The following PDZD2 variants were observed in gnomAD, a reference collection of about 807,000 sequenced individuals.
PDZD2 encodes the protein PDZ domain containing 2, also known as PDZ domain-containing protein 2.
In PDZD2, 90 loss-of-function variants were observed where a neutral mutation model predicts 220.7. That is an observed-to-expected ratio of 0.41 (90% CI 0.34 to 0.49). PDZD2 has a LOEUF of 0.49. Ranked by LOEUF, PDZD2 falls within the 20% of genes least tolerant of loss-of-function variation. PDZD2 has a pLI of 0.28. For synonymous variants in PDZD2, 1,375 were observed against 1,450.5 expected, an observed-to-expected ratio of 0.95 and a Z score of 1.18; for missense variants, 3,174 against 3,608.5, an observed-to-expected ratio of 0.88 and a Z score of 3.08.
At position 32,072,326 on chromosome 5, in the gene PDZD2, G is replaced by C; in HGVS notation, c.2725+9G>C. 1 of 1,605,686 alleles carries C rather than the reference G, an allele frequency of 6.2e-7. No homozygotes were observed. The highest frequency in any genetic ancestry group is 2.2e-5 in the East Asian group (1 of 44,848). ...GCCTCCCAGCACCTCCAGTAAGCAG[G>C]GGTGCCCCAGAGGGCCTGGGCTCTG... On this transcript the variant is annotated intron_variant, in intron 17 of 24. Transcript: ENST00000438447.
intron 2 of PDZD2, among the ~76,000 whole-genome samples, chr5:31,903,860 A>C (rs1742373828): frequency 6.6e-6 from 1 of 151,768 alleles, no homozygotes; most frequent in African/African-American, 2.4e-5. Context: ...AGTAGCTGGG[A>C]TTACAGGTGC....
intron 2 of PDZD2, among the ~76,000 whole-genome samples, chr5:31,827,952 A>T (rs983789219): frequency 1.3e-5 from 2 of 152,170 alleles, no homozygotes; most frequent in Non-Finnish European, 2.9e-5. Context: ...TACCTATTCC[A>T]GATATTTCAG....
chr5:32,077,550 A>G lies in PDZD2; in HGVS notation c.3626A>G (p.His1209Arg). 6.2e-7 allele frequency: 1 copy of G among 1,614,156 alleles called. No individual in the cohort carries two copies. The highest frequency in any genetic ancestry group is 1.7e-5 in the Admixed American group (1 of 60,014). Residue 1209 changes from histidine (H) to arginine (R), a missense_variant, in exon 19 of 25, where the codon CAC (histidine) becomes CGC (arginine). His to Arg is a conservative substitution (Grantham distance 29). Transcript: ENST00000438447. ...ASALSHLDAS[H>R]LTENLPKAAS... The stretch of plus-strand genomic sequence containing the variant: ...GCTCTGTCCCATCTGGATGCCAGCC[A>G]CCTCACAGAGAACCTGCCCAAAGCT...
Position 32,061,008 on chromosome 5 carries a change from G to A in PDZD2, c.2325G>A (p.Gly775=), listed in dbSNP as rs753003015. The A allele has an allele frequency of 1.2e-6, 2 of 1,614,126 alleles. No individual in the cohort carries two copies. Among genetic ancestry groups the A allele is most frequent in the Non-Finnish European group, 1.7e-6 (2 of 1,180,024 alleles). ...VAKMESNLSR[G]DQILEVNSVN... The stretch of plus-strand genomic sequence containing the variant: ...ATTCTGTTGCCCTCCCTAGCCGCGG[G>A]GATCAAATCCTGGAAGTGAACTCCG... The change falls in exon 14 of 25, where the codon GGG becomes GGA. Residue 775 remains glycine (G), a synonymous_variant. Transcript: ENST00000438447.
At chr5:31,651,462 G>A (rs180906730) in intron 1 of PDZD2, among the ~76,000 whole-genome samples, 1 of 152,238 alleles carries the variant, frequency 6.6e-6, no homozygotes, top group East Asian at 1.9e-4. Context: ...TAACATGCAG[G>A]TGGGTAGTCA....
intron 2 of PDZD2, among the ~76,000 whole-genome samples, chr5:31,839,870 C>T (rs1757161697): frequency 6.6e-6 from 1 of 152,182 alleles, no homozygotes; most frequent in African/African-American, 2.4e-5. Context: ...CCTCTTTGCT[C>T]AGCACTTCTC....
At chr5:31,946,941 A>G (rs1746689961) in intron 2 of PDZD2, among the ~76,000 whole-genome samples, 1 of 152,154 alleles carries the variant, frequency 6.6e-6, no homozygotes, top group Non-Finnish European at 1.5e-5. Context: ...TGGCCTCAAG[A>G]GATCCTCTCA....
Position 31,917,890 on chromosome 5 carries a change from C to T in PDZD2, c.477-65265C>T, listed in dbSNP as rs148903020. Among the ~76,000 whole-genome samples the T allele has an allele frequency of 2.0e-3, 298 of 152,238 alleles. 3 individuals are homozygous for T. Among genetic ancestry groups the T allele is most frequent in the African/African-American group, 6.4e-3 (267 of 41,528 alleles). ...GAGTAGATGGGACTACAGGCGTGTG[C>T]CCCTACACCCAGCTAATTTTGTATT... is the stretch of plus-strand genomic sequence containing the variant. On this transcript the variant is annotated intron_variant, in intron 2 of 24. Coordinates refer to ENST00000438447, the MANE Select transcript of PDZD2 (RefSeq NM_178140.4).
intron 1 of PDZD2, among the ~76,000 whole-genome samples, chr5:31,751,112 C>G (rs911743883): frequency 2.0e-5 from 3 of 151,990 alleles, no homozygotes; most frequent in African/African-American, 4.8e-5. Flanking sequence ...CGTGGTGGCA[C>G]GCGCCTGTAG....
At chr5:31,744,795 G>C (rs928119874) in intron 1 of PDZD2, among the ~76,000 whole-genome samples, 1 of 152,210 alleles carries the variant, frequency 6.6e-6, no homozygotes, top group Non-Finnish European at 1.5e-5. Flanking sequence ...GTGTGGCCAG[G>C]TGCAGTGGCT....
chr5:32,061,798 A>G (rs897346891), intron 14 of PDZD2, among the ~76,000 whole-genome samples: 5 of 152,252 alleles, frequency 3.3e-5, no homozygotes, highest in Non-Finnish European at 5.9e-5. Flanking sequence ...CAAGATAAGT[A>G]TAAAAATAAA....
intron 1 of PDZD2, among the ~76,000 whole-genome samples, chr5:31,713,956 A>G (rs1183009697): frequency 6.6e-6 from 1 of 152,202 alleles, no homozygotes; most frequent in Non-Finnish European, 1.5e-5. Context: ...CCAAATAAAC[A>G]TCTTTTCTTT....
chr5:32,001,123 C>T (rs1752073257), intron 5 of PDZD2, among the ~76,000 whole-genome samples: 1 of 152,164 alleles, frequency 6.6e-6, no homozygotes, highest in Non-Finnish European at 1.5e-5. Context: ...CCCCTACCAT[C>T]CTTGGAAAAA....
intron 2 of PDZD2, among the ~76,000 whole-genome samples, chr5:31,911,631 G>A (rs1468922361): frequency 6.6e-6 from 1 of 152,358 alleles, no homozygotes; most frequent in East Asian, 1.9e-4. Context: ...AAAGGGATGT[G>A]TTAACGGTTG....
intron 1 of PDZD2, among the ~76,000 whole-genome samples, chr5:31,735,961 CA>C (rs977091828): frequency 2.0e-5 from 3 of 151,556 alleles, no homozygotes; most frequent in Admixed American, 6.6e-5. Flanking sequence ...CAAAACAAAA[CA>C]AAAAAAACTC....
rs542230838 is a variant in PDZD2, at chr5:32,060,395, C to T, written c.2319-607C>T. On this transcript the variant is annotated intron_variant, in intron 13 of 24. Transcript: ENST00000438447. ...CCCTGTAATTTCCAGTCAAAATGGG[C>T]AACTTGTCCCCAATTTCTCATTTGT... Among the ~76,000 whole-genome samples the T allele has an allele frequency of 3.3e-5, 5 of 152,268 alleles. No individual in the cohort carries two copies. In the East Asian group the frequency reaches 9.6e-4, roughly 29 times the overall value.
In PDZD2 at chr5:31,775,276, T is replaced by C. The variant is rs541568117; in HGVS notation, c.-360-23613T>C. On this transcript the variant is annotated intron_variant, in intron 1 of 24. Coordinates refer to ENST00000438447, the MANE Select transcript of PDZD2 (RefSeq NM_178140.4). ...CTGTTTCTCATGTTCCATAGATCCT[T>C]GTCTGAGTGGGGAGTGGATCCACAC... Among the ~76,000 whole-genome samples the C allele has an allele frequency of 1.1e-4, 16 of 151,954 alleles. No homozygotes were observed. The South Asian group carries it at 3.3e-3, about 32-fold the overall frequency.
chr5:31,975,541 G>T (rs1310966612), intron 2 of PDZD2, among the ~76,000 whole-genome samples: 1 of 152,084 alleles, frequency 6.6e-6, no homozygotes. Context: ...GAGGGAGGCG[G>T]TGCTCAGCCC....
chr5:31,912,341 C>G (rs1403271162), intron 2 of PDZD2, among the ~76,000 whole-genome samples: 1 of 151,962 alleles, frequency 6.6e-6, no homozygotes, highest in Non-Finnish European at 1.5e-5. Flanking sequence ...CTCATGAGCG[C>G]TCCTCTTTCA....
Sources: gnomAD v4.1 joint callset for allele counts (sites outside exome capture counted in the v4.1 genomes callset) on GRCh38, gnomAD v4.1.1 for gene constraint, MANE v1.5 for transcripts, NCBI Gene and HGNC (gene_info 2026-07-23, HGNC 2026-07-21) for gene names.